Variants in SYTL3 observed in about 807,000 individuals in gnomAD.
The protein encoded by SYTL3 is synaptotagmin-like protein 3.
SYTL3 carries 88 observed loss-of-function variants against 82.1 expected under a neutral mutation model. That is an observed-to-expected ratio of 1.07 (90% CI 0.90 to 1.28). SYTL3 has a LOEUF of 1.28. Ranked by LOEUF, SYTL3 falls within the 50% of genes most tolerant of loss-of-function variation. The pLI, the probability that SYTL3 is intolerant of heterozygous loss-of-function variation, is 0.00. For missense variants in SYTL3, 831 were observed against 757.6 expected (o/e 1.10, Z -1.14); for synonymous variants, 311 against 289.4 (o/e 1.07, Z -0.76).
Position 158,744,463 on chromosome 6 carries a change from A to G in SYTL3, c.856-1017A>G, listed in dbSNP as rs1787365445. On this transcript the variant is annotated intron_variant, in intron 11 of 17. Transcript: ENST00000611299. ...CTGGGACTATAGCTGGGACGCCACC[A>G]TGCCTGGCTAATTTTTTTTTTCTTT... 4.0e-5 allele frequency among the ~76,000 whole-genome samples: 6 copies of G among 150,028 alleles called. No homozygotes were observed. The South Asian group carries it at 1.1e-3, about 26-fold the overall frequency.
intron 5 of SYTL3, among the ~76,000 whole-genome samples, chr6:158,666,133 A>G (rs947681304): frequency 6.6e-6 from 1 of 152,206 alleles, no homozygotes; most frequent in Non-Finnish European, 1.5e-5. Flanking sequence ...GGGCTAACCC[A>G]GGAGTTCAGA....
intron 5 of SYTL3, among the ~76,000 whole-genome samples, chr6:158,667,276 A>G (rs57956115): frequency 0.022 from 3,386 of 152,294 alleles, 143 homozygotes; most frequent in African/African-American, 0.077. Flanking sequence ...CAGGCACTGT[A>G]ACTTTACCCT....
chr6:158,700,640 G>A (rs1223298761), intron 6 of SYTL3, among the ~76,000 whole-genome samples: 1 of 151,876 alleles, frequency 6.6e-6, no homozygotes, highest in African/African-American at 2.4e-5. Flanking sequence ...ATTTTGAGAC[G>A]GAGTCTTGCT....
intron 12 of SYTL3, among the ~76,000 whole-genome samples, chr6:158,748,021 G>C (rs1237433055): frequency 6.7e-6 from 1 of 150,152 alleles, no homozygotes; most frequent in Non-Finnish European, 1.5e-5. Context: ...GTCTGTAGAA[G>C]AATTCCTGTG....
chr6:158,699,674 G>A (rs9457439), intron 6 of SYTL3, among the ~76,000 whole-genome samples: 59,056 of 151,896 alleles, frequency 0.39, 12,202 homozygotes, highest in Non-Finnish European at 0.47. Flanking sequence ...TGGGCCAGGT[G>A]TGGTGGCTCA....
intron 5 of SYTL3, among the ~76,000 whole-genome samples, chr6:158,681,733 T>C (rs1226079088): frequency 6.6e-6 from 1 of 152,200 alleles, no homozygotes; most frequent in African/African-American, 2.4e-5. Context: ...TCAACACACA[T>C]TGATCCCATA....
chr6:158,719,646 C>T (rs140653162), intron 10 of SYTL3, among the ~76,000 whole-genome samples: 3,874 of 152,322 alleles, frequency 0.025, 66 homozygotes, highest in South Asian at 0.054. Flanking sequence ...GAACTCCCTC[C>T]GGGGATCACT....
intron 5 of SYTL3, among the ~76,000 whole-genome samples, chr6:158,680,980 G>A (rs369846323): frequency 8.5e-5 from 13 of 152,250 alleles, no homozygotes; most frequent in African/African-American, 3.1e-4. Context: ...ACTTACATTA[G>A]CAAGCATTAA....
chr6:158,708,222 G>T (rs1464077435), intron 7 of SYTL3, 100 bp from the exon 8 acceptor site: 4 of 1,108,800 alleles, frequency 3.6e-6, no homozygotes, highest in Non-Finnish European at 5.5e-6. Context: ...AAAAGGCGGA[G>T]AACTAGAATT....
intron 11 of SYTL3, among the ~76,000 whole-genome samples, chr6:158,737,977 G>A (rs1786440441): frequency 6.6e-6 from 1 of 152,258 alleles, no homozygotes; most frequent in South Asian, 2.1e-4. Flanking sequence ...CTTGACCTTC[G>A]TTTATCTACT....
At chr6:158,734,350 C>T (rs1049384041) in intron 11 of SYTL3, among the ~76,000 whole-genome samples, 75 of 152,184 alleles carry the variant, frequency 4.9e-4, no homozygotes, top group African/African-American at 1.7e-3. Context: ...GCCAGAATCA[C>T]ATCCTTGTAG....
At chr6:158,727,075 C>G (rs1479623081) in intron 11 of SYTL3, among the ~76,000 whole-genome samples, 1 of 152,100 alleles carries the variant, frequency 6.6e-6, no homozygotes, top group Non-Finnish European at 1.5e-5. Flanking sequence ...TGGTCTCGAT[C>G]TCCTGACCTC....
intron 5 of SYTL3, among the ~76,000 whole-genome samples, chr6:158,680,590 A>AAAG (rs1778568774): frequency 6.6e-6 from 1 of 151,304 alleles, no homozygotes; most frequent in South Asian, 2.1e-4. Flanking sequence ...AAAAAAAAAA[A>AAAG]AAAACACAAA....
chr6:158,671,906 T>C (rs1447378630), intron 5 of SYTL3, among the ~76,000 whole-genome samples: 1 of 152,170 alleles, frequency 6.6e-6, no homozygotes, highest in African/African-American at 2.4e-5. Context: ...AACTTTGCAT[T>C]TTATAACTGA....
chr6:158,713,869 C>G lies in SYTL3; in HGVS notation c.586C>G (p.His196Asp). The G allele has an allele frequency of 1.3e-6, 2 of 1,549,964 alleles. No individual in the cohort carries two copies. Among genetic ancestry groups the G allele is most frequent in the Non-Finnish European group, 1.7e-6 (2 of 1,146,112 alleles). Residue 196 changes from histidine to aspartate, a missense_variant, in exon 9 of 18, where the codon CAC (histidine) becomes GAC (aspartate). Transcript: ENST00000611299. ...AAATTTGTTTCTGTCTCTTGCTACC[C>G]ACGTGAAAAGTAAGTGCATGCTTCA... The part of the protein sequence containing the change: ...VENLFLSLAT[H>D]VKKLSKSQND...
intron 6 of SYTL3, among the ~76,000 whole-genome samples, chr6:158,701,691 G>A (rs1425957292): frequency 2.6e-5 from 4 of 151,746 alleles, no homozygotes; most frequent in East Asian, 1.9e-4. Flanking sequence ...AAGCACCCGC[G>A]GCCTCTGGAT....
Position 158,757,222 on chromosome 6 carries a change from C to G in SYTL3, c.1149C>G (p.Ala383=). The stretch of plus-strand genomic sequence containing the variant: ...CCTTGCCTCTGCAGTATCAGGTGGC[C>G]CCTGCCCAGCTGGTGACCCGGCAGC... ...TFQETLKYQV[A]PAQLVTRQLQ... Residue 383 remains alanine, a synonymous_variant, in exon 14 of 18, where the codon GCC becomes GCG. Coordinates refer to ENST00000611299, the MANE Select transcript of SYTL3 (RefSeq NM_001242394.2). The G allele has an allele frequency of 1.2e-6, 2 of 1,609,568 alleles. No individual in the cohort carries two copies. Among genetic ancestry groups the G allele is most frequent in the Non-Finnish European group, 1.7e-6 (2 of 1,179,780 alleles).
At chr6:158,716,245 T>A (rs913676361) in intron 9 of SYTL3, among the ~76,000 whole-genome samples, 4 of 152,228 alleles carry the variant, frequency 2.6e-5, no homozygotes, top group Non-Finnish European at 5.9e-5. Context: ...CTCTTCCTTA[T>A]CCTTTGTCCC....
intron 2 of SYTL3, among the ~76,000 whole-genome samples, chr6:158,657,147 C>G (rs1001105721): frequency 6.6e-6 from 1 of 152,052 alleles, no homozygotes; most frequent in African/African-American, 2.4e-5. Flanking sequence ...TAGTAGTGGC[C>G]GGGCACGGTG....
Sources: allele counts gnomAD v4.1 joint callset (sites outside exome capture counted in the v4.1 genomes callset), GRCh38; gene constraint gnomAD v4.1.1; transcripts MANE v1.5; gene names NCBI Gene and HGNC (gene_info 2026-07-23, HGNC 2026-07-21).